Variants in CNTN5 observed in about 807,000 individuals in gnomAD.
CNTN5 encodes contactin-5.
A neutral mutation model predicts 129.1 loss-of-function variants in CNTN5; 77 were observed. That is an observed-to-expected ratio of 0.60 (90% CI 0.50 to 0.72). The LOEUF is 0.72. Ranked by LOEUF, CNTN5 falls within the 30% of genes least tolerant of loss-of-function variation. The pLI, the probability that CNTN5 is intolerant of heterozygous loss-of-function variation, is 0.00. For synonymous variants in CNTN5, 509 were observed against 465.6 expected (o/e 1.09, Z -1.20); for missense variants, 1,478 against 1,328.8 (o/e 1.11, Z -1.75).
intron 1 of CNTN5, among the ~76,000 whole-genome samples, chr11:99,231,795 G>C (rs1232518810): frequency 1.3e-5 from 2 of 152,150 alleles, no homozygotes; most frequent in Non-Finnish European, 2.9e-5. Context: ...TTACATTTAA[G>C]TCTTTAATCC....
chr11:99,819,016 C>T (rs925102143), intron 3 of CNTN5, among the ~76,000 whole-genome samples: 1 of 151,418 alleles, frequency 6.6e-6, no homozygotes, highest in Non-Finnish European at 1.5e-5. Context: ...CCTCATACTA[C>T]ATAATAAATT....
At chr11:99,860,984 C>G (rs911557779) in intron 6 of CNTN5, among the ~76,000 whole-genome samples, 5 of 111,592 alleles carry the variant, frequency 4.5e-5, no homozygotes, top group Non-Finnish European at 8.2e-5. Flanking sequence ...GAGACGGAGT[C>G]TCGCTCTGTC....
chr11:100,137,250 C>CTGTT (rs1946556995), intron 13 of CNTN5, among the ~76,000 whole-genome samples: 1 of 151,976 alleles, frequency 6.6e-6, no homozygotes, highest in African/African-American at 2.4e-5. Context: ...AATATTCAGG[C>CTGTT]TGTTTTACCC....
intron 15 of CNTN5, among the ~76,000 whole-genome samples, chr11:100,199,610 T>C (rs183622011): frequency 4.1e-4 from 63 of 152,026 alleles, no homozygotes; most frequent in East Asian, 2.1e-3. Context: ...AAGTGCACCA[T>C]ATTCATTCTC....
intron 13 of CNTN5, among the ~76,000 whole-genome samples, chr11:100,090,431 GCCTTCCTTCCTT>G (rs139636600): frequency 2.7e-5 from 4 of 147,028 alleles, no homozygotes; most frequent in African/African-American, 1.0e-4. Context: ...CTGCCTGCCT[GCCTTCCTTCCTT>G]CCTTCCTCTC....
At chr11:100,129,094 T>G (rs1299600288) in intron 13 of CNTN5, among the ~76,000 whole-genome samples, 1 of 152,180 alleles carries the variant, frequency 6.6e-6, no homozygotes, top group African/African-American at 2.4e-5. Flanking sequence ...TCCAAATAAC[T>G]TGTACACTGT....
intron 4 of CNTN5, among the ~76,000 whole-genome samples, chr11:99,829,143 A>G (rs557901479): frequency 6.6e-6 from 1 of 152,300 alleles, no homozygotes; most frequent in African/African-American, 2.4e-5. Context: ...CCCTGGTGAT[A>G]TACTTAAAGA....
intron 1 of CNTN5, among the ~76,000 whole-genome samples, chr11:99,085,795 A>G (rs1865981863): frequency 6.6e-6 from 1 of 152,210 alleles, no homozygotes; most frequent in South Asian, 2.1e-4. Flanking sequence ...ACATATAGGA[A>G]GGTGGTCCCA....
intron 6 of CNTN5, among the ~76,000 whole-genome samples, chr11:99,868,460 A>G (rs1948415392): frequency 6.6e-6 from 1 of 152,208 alleles, no homozygotes; most frequent in Non-Finnish European, 1.5e-5. Flanking sequence ...TAAATAGGCT[A>G]AGGCTTGGCC....
rs532078323 is a variant in CNTN5 at position 99,682,582 on chromosome 11, G to C, written c.55+126313G>C. Among the ~76,000 whole-genome samples the C allele has an allele frequency of 2.4e-4, 36 of 152,020 alleles. No individual in the cohort carries two copies. The South Asian group carries it at 7.0e-3, about 30-fold the overall frequency. On this transcript the variant is annotated intron_variant, in intron 3 of 24. Transcript: ENST00000524871. ...AAACAAAATATAATTCAAACAGAAA[G>C]TATACCAAAAAATGAAAGCACCAAA...
chr11:99,721,533 G>A (rs958616795), intron 3 of CNTN5, among the ~76,000 whole-genome samples: 7 of 152,072 alleles, frequency 4.6e-5, no homozygotes, highest in Middle Eastern at 3.2e-3. Context: ...AAAAACCCTG[G>A]AAGACAACCT....
At position 99,315,168 on chromosome 11, in the gene CNTN5, T is replaced by G. The variant is rs146605941; in HGVS notation, c.-209-10178T>G. ...GAATAAAAGCATTTGGTCTGGCTAG[T>G]AGTTCACTGAGCATAAATAGTTCAC... On this transcript the variant is annotated intron_variant, in intron 1 of 24. Coordinates refer to ENST00000524871, the MANE Select transcript of CNTN5 (RefSeq NM_014361.4). Among the ~76,000 whole-genome samples, 34 of 149,486 alleles carry G rather than the reference T, an allele frequency of 2.3e-4. 3 individuals carry two copies. Among genetic ancestry groups the G allele is most frequent in the Non-Finnish European group, 5.0e-4 (33 of 66,660 alleles).
chr11:99,252,399 C>A (rs1274308498), intron 1 of CNTN5, among the ~76,000 whole-genome samples: 1 of 151,398 alleles, frequency 6.6e-6, no homozygotes, highest in African/African-American at 2.4e-5. Flanking sequence ...ATTTTAAAAG[C>A]ATTATTCCAG....
intron 6 of CNTN5, among the ~76,000 whole-genome samples, chr11:99,855,741 A>C (rs909445185): frequency 6.6e-6 from 1 of 152,178 alleles, no homozygotes; most frequent in Non-Finnish European, 1.5e-5. Context: ...CAGCATTGTA[A>C]ATATTATGTC....
At chr11:100,219,891 C>T (rs1048272429) in intron 15 of CNTN5, among the ~76,000 whole-genome samples, 2 of 152,064 alleles carry the variant, frequency 1.3e-5, no homozygotes, top group African/African-American at 4.8e-5. Flanking sequence ...TATTAAAACC[C>T]ATATCATCCT....
At chr11:100,044,186 G>A (rs12276858) in intron 9 of CNTN5, among the ~76,000 whole-genome samples, 18,145 of 151,060 alleles carry the variant, frequency 0.12, 1,336 homozygotes, top group Middle Eastern at 0.26. Flanking sequence ...ATATATATAC[G>A]TGATATGTAT....
intron 9 of CNTN5, among the ~76,000 whole-genome samples, chr11:100,041,132 A>G (rs987979035): frequency 2.0e-5 from 3 of 151,956 alleles, no homozygotes; most frequent in Non-Finnish European, 4.4e-5. Flanking sequence ...CCTTTTCAGT[A>G]TCTTAAATAC....
chr11:99,354,267 G>A (rs985840387), intron 2 of CNTN5, among the ~76,000 whole-genome samples: 1 of 152,108 alleles, frequency 6.6e-6, no homozygotes, highest in East Asian at 1.9e-4. Context: ...GCTATTTAAA[G>A]TATATTAATA....
rs1943931416 is a variant in CNTN5 at position 100,071,732 on chromosome 11, T to C, written c.1327T>C (p.Leu443=). ...QSRVEMVNGV[L]MIHNVNQSDA... is the part of the protein sequence containing the mutation. ...TAGGGTTGAGATGGTTAATGGAGTA[T>C]TGATGATCCACAATGTGAATCAATC... The change falls in exon 12 of 25, where the codon TTG becomes CTG. Residue 443 remains leucine (L), a synonymous_variant. Transcript: ENST00000524871. 4 of 1,595,830 alleles carry C rather than the reference T, an allele frequency of 2.5e-6. No homozygotes were observed. Among genetic ancestry groups the C allele is most frequent in the Non-Finnish European group, 3.4e-6 (4 of 1,170,068 alleles).
Sources: allele counts gnomAD v4.1 joint callset (sites outside exome capture counted in the v4.1 genomes callset), GRCh38; gene constraint gnomAD v4.1.1; transcripts MANE v1.5; gene names NCBI Gene and HGNC (gene_info 2026-07-23, HGNC 2026-07-21).